KIAA0753: variants seen among roughly 807,000 people sequenced by gnomAD.
KIAA0753 encodes the protein protein moonraker.
In KIAA0753, 114 loss-of-function variants were observed where a neutral mutation model predicts 116.9. That is an observed-to-expected ratio of 0.98 (90% CI 0.84 to 1.14). KIAA0753 has a LOEUF of 1.14. Ranked by LOEUF, KIAA0753 falls within the 50% of genes most tolerant of loss-of-function variation. The pLI, the probability that KIAA0753 is intolerant of heterozygous loss-of-function variation, is 0.00. For synonymous variants in KIAA0753, 405 were observed against 413.1 expected, an observed-to-expected ratio of 0.98 and a Z score of 0.24; for missense variants, 1,156 against 1,172.4, an observed-to-expected ratio of 0.99 and a Z score of 0.20.
In KIAA0753 at chr17:6,622,878, A is replaced by G. The variant is rs761637106; in HGVS notation, c.1104+4T>C. ...TCTAACAAAAATTGGAATTAATTCCATACCTCAATTTGTTGCAGAATATCT... is the reference window on the plus strand; with the variant it reads ...TCTAACAAAAATTGGAATTAATTCCGTACCTCAATTTGTTGCAGAATATCT... On this transcript the variant is annotated splice_donor_region_variant and intron_variant, in intron 6 of 18. Coordinates refer to ENST00000361413, the MANE Select transcript of KIAA0753 (RefSeq NM_014804.3). 7.5e-6 allele frequency: 12 copies of G among 1,608,884 alleles called. 1 individual carries two copies. In the South Asian group the frequency reaches 1.2e-4, roughly 16 times the overall value.
At chr17:6,613,924 G>T (rs1567567138) in intron 7 of KIAA0753, among the ~76,000 whole-genome samples, 1 of 152,124 alleles carries the variant, frequency 6.6e-6, no homozygotes. Flanking sequence ...CAATAGACAA[G>T]CCAAAGTCCA....
Position 6,622,953 on chromosome 17 carries a change from G to A in KIAA0753, c.1033C>T (p.Leu345Phe). Reference protein sequence around the residue: ...ELGSLIRQLSLCSVKLDADPS... With the variant: ...ELGSLIRQLSFCSVKLDADPS... ...TCTGCATCCAGCTTGACAGAACAAA[G>A]TGAAAGCTGGCGAATAAGGCTGCCC... Residue 345 changes from leucine (L) to phenylalanine (F), a missense_variant, in exon 6 of 19, where the codon CTT becomes TTT. Physicochemically the swap from Leu to Phe is conservative, Grantham distance 22. Coordinates refer to ENST00000361413, the MANE Select transcript of KIAA0753 (RefSeq NM_014804.3). 1 of 1,614,138 alleles carries A rather than the reference G, an allele frequency of 6.2e-7. No homozygotes were observed. Among genetic ancestry groups the A allele is most frequent in the Non-Finnish European group, 8.5e-7 (1 of 1,180,008 alleles).
At chr17:6,607,422 A>G (rs753017414) in intron 10 of KIAA0753, 152 bp from the exon 11 acceptor site, 19 of 615,824 alleles carry the variant, frequency 3.1e-5, no homozygotes, top group Non-Finnish European at 5.5e-5. Context: ...ATCTCTCCGT[A>G]CCCCTAAAGC....
intron 2 of KIAA0753, among the ~76,000 whole-genome samples, chr17:6,630,908 T>C (rs1268824378): frequency 6.6e-6 from 1 of 152,180 alleles, no homozygotes; most frequent in Non-Finnish European, 1.5e-5. Flanking sequence ...CTGAATCACT[T>C]GTGCAAAAAG....
intron 18 of KIAA0753, among the ~76,000 whole-genome samples, chr17:6,589,157 T>C (rs1968800861): frequency 6.6e-6 from 1 of 152,160 alleles, no homozygotes; most frequent in South Asian, 2.1e-4. Flanking sequence ...CCCAATGTGG[T>C]AGTATCTGTG....
At chr17:6,622,138 T>C (rs1597575152) in intron 6 of KIAA0753, among the ~76,000 whole-genome samples, 2 of 152,204 alleles carry the variant, frequency 1.3e-5, no homozygotes, top group South Asian at 2.1e-4. Context: ...TGGATGAAAA[T>C]GTATGGCGTA....
chr17:6,600,542 G>T, intron 12 of KIAA0753, 84 bp from the exon 13 acceptor site: 1 of 1,054,478 alleles, frequency 9.5e-7, no homozygotes, highest in East Asian at 2.5e-5. Flanking sequence ...CCAGGAGAAG[G>T]GAAATAAAAT....
At chr17:6,617,575 T>G (rs1597558794) in intron 7 of KIAA0753, among the ~76,000 whole-genome samples, 1 of 152,202 alleles carries the variant, frequency 6.6e-6, no homozygotes. Context: ...TTAACCCCAG[T>G]TCCTGACACA....
intron 7 of KIAA0753, among the ~76,000 whole-genome samples, chr17:6,614,056 T>C (rs904570898): frequency 3.3e-5 from 5 of 152,152 alleles, no homozygotes; most frequent in South Asian, 4.1e-4. Context: ...AAACTGGCAA[T>C]TTAGACAGAA....
chr17:6,616,822 T>C (rs1970966141), intron 7 of KIAA0753, among the ~76,000 whole-genome samples: 1 of 152,040 alleles, frequency 6.6e-6, no homozygotes, highest in South Asian at 2.1e-4. Context: ...CAAGACTACG[T>C]CTCAAAATAA....
intron 8 of KIAA0753, 97 bp from the exon 9 acceptor site, chr17:6,610,257 T>A: frequency 8.1e-7 from 1 of 1,239,744 alleles, no homozygotes; most frequent in South Asian, 1.4e-5. Flanking sequence ...TCCATGTTAT[T>A]CATGCATCCA....
Position 6,589,972 on chromosome 17 carries a change from C to T in KIAA0753, c.2593G>A (p.Gly865Arg), listed in dbSNP as rs371289252. 62 of 1,587,038 alleles carry T rather than the reference C, an allele frequency of 3.9e-5. No homozygotes were observed. The African/African-American group carries it at 7.4e-4, about 19-fold the overall frequency. Residue 865 changes from glycine to arginine, a missense_variant, in exon 18 of 19, where the codon GGA becomes AGA. Coordinates refer to ENST00000361413, the MANE Select transcript of KIAA0753 (RefSeq NM_014804.3). The part of the protein sequence containing the change: ...SLDESVGTEE[G>R]SEKREAPLLS... ...AGAGGGGCCTCTCTTTTCTCTGATC[C>T]TTCCTCTGTTCCCACACTTTCATCC...
intron 16 of KIAA0753, among the ~76,000 whole-genome samples, chr17:6,591,058 A>G (rs1335692434): frequency 5.5e-4 from 24 of 43,594 alleles, no homozygotes; most frequent in African/African-American, 2.0e-3. Context: ...AAGAAGAAGA[A>G]GAAGAAGAAG....
intron 7 of KIAA0753, among the ~76,000 whole-genome samples, chr17:6,615,851 A>C (rs551579147): frequency 6.6e-6 from 1 of 152,240 alleles, no homozygotes; most frequent in South Asian, 2.1e-4. Context: ...ATTTAAGAAC[A>C]GTTCAGAAGC....
At chr17:6,594,619 C>A (rs1969333413) in intron 16 of KIAA0753, among the ~76,000 whole-genome samples, 1 of 152,022 alleles carries the variant, frequency 6.6e-6, no homozygotes, top group Non-Finnish European at 1.5e-5. Flanking sequence ...AGACATGTAT[C>A]CAGTTGTCAA....
intron 4 of KIAA0753, 23 bp from the exon 5 acceptor site, chr17:6,623,594 G>GA (rs1971468742): frequency 6.2e-7 from 1 of 1,601,306 alleles, no homozygotes; most frequent in African/African-American, 1.3e-5. Context: ...GGGGAAAAAA[G>GA]AAAACTTCAT....
At position 6,623,558 on chromosome 17, in the gene KIAA0753, T is replaced by C. The variant is rs745607486; in HGVS notation, c.839A>G (p.Gln280Arg). The C allele has an allele frequency of 6.2e-7, 1 of 1,610,720 alleles. No homozygotes were observed. The highest frequency in any genetic ancestry group is 8.5e-7 in the Non-Finnish European group (1 of 1,178,356). ...YVLQQQVKEI[Q>R]EELDKLSPHK... ...TGGACTCAATTTATCCAATTCTTCC[T>C]GGATTTCTTTTACCTGTTTTGTAAA... is the stretch of plus-strand genomic sequence containing the variant. The change falls in exon 5 of 19, where the codon CAG becomes CGG. Residue 280 changes from glutamine to arginine, a missense_variant. Gln to Arg is a conservative substitution (Grantham distance 43). Coordinates refer to ENST00000361413, the MANE Select transcript of KIAA0753 (RefSeq NM_014804.3).
At chr17:6,593,627 C>T (rs1468155996) in intron 16 of KIAA0753, among the ~76,000 whole-genome samples, 1 of 152,192 alleles carries the variant, frequency 6.6e-6, no homozygotes, top group East Asian at 1.9e-4. Context: ...ATGGCTCACA[C>T]CTGGAATCCC....
chr17:6,606,060 TC>T (rs1460649599), intron 12 of KIAA0753, among the ~76,000 whole-genome samples: 1 of 152,130 alleles, frequency 6.6e-6, no homozygotes, highest in Non-Finnish European at 1.5e-5. Flanking sequence ...GACTATCCCA[TC>T]ACAGAGGGTG....
Sources: gnomAD v4.1 joint callset for allele counts (sites outside exome capture counted in the v4.1 genomes callset) on GRCh38, gnomAD v4.1.1 for gene constraint, MANE v1.5 for transcripts, NCBI Gene and HGNC (gene_info 2026-07-23, HGNC 2026-07-21) for gene names.